The following PTH2R variants were observed in gnomAD, a reference collection of about 807,000 sequenced individuals.
PTH2R encodes parathyroid hormone 2 receptor, also known as PTH2 receptor.
Under a neutral mutation model 60.3 loss-of-function variants are expected in PTH2R, and 59 were observed. That is an observed-to-expected ratio of 0.98 (90% CI 0.79 to 1.22). The LOEUF (loss-of-function observed/expected upper bound fraction) is 1.22, where lower values mean the gene tolerates loss of function less well. PTH2R is among the 50% of genes most tolerant of loss of function. PTH2R has a pLI of 0.00. For missense variants in PTH2R, 749 were observed against 682.6 expected (o/e 1.10, Z -1.08); for synonymous variants, 256 against 243.8 (o/e 1.05, Z -0.47).
At position 208,444,995 on chromosome 2, in the gene PTH2R, C is replaced by G. The variant is rs114558125; in HGVS notation, c.853+108C>G. On this transcript the variant is annotated intron_variant, in intron 7 of 12. Coordinates refer to ENST00000272847, the MANE Select transcript of PTH2R (RefSeq NM_005048.4). ...CAGCCATTTTCCTGAAACAATCCCT[C>G]CCATTCTTATTTTTTATCTCCCTTT... 2,384 of 1,159,238 alleles carry G rather than the reference C, an allele frequency of 2.1e-3. 39 individuals carry two copies. In the African/African-American group the frequency reaches 0.03, roughly 15 times the overall value. 71.8% of individuals were successfully genotyped at this position (1,159,238 alleles called of 1,614,324 possible).
intron 1 of PTH2R, among the ~76,000 whole-genome samples, chr2:208,385,263 C>A (rs1009254160): frequency 6.6e-6 from 1 of 152,022 alleles, no homozygotes; most frequent in African/African-American, 2.4e-5. Flanking sequence ...GTAAAGGACA[C>A]GAACAAGTTA....
chr2:208,427,420 TATTATATTGATAGA>T (rs1279301041), intron 1 of PTH2R, among the ~76,000 whole-genome samples: 7 of 152,130 alleles, frequency 4.6e-5, no homozygotes, highest in Non-Finnish European at 8.8e-5. Flanking sequence ...ATCCATGTTG[TATTATATTGATAGA>T]TAAATTCTGG....
At chr2:208,402,893 T>G (rs1258089600), upstream of PTH2R, among the ~76,000 whole-genome samples, 3 of 152,194 alleles carry the variant, frequency 2.0e-5, no homozygotes, top group African/African-American at 7.2e-5. Context: ...CACGGTAGAA[T>G]AGTAGAAAAA....
chr2:208,436,850 A>T (rs1377753362), intron 2 of PTH2R, among the ~76,000 whole-genome samples: 1 of 152,172 alleles, frequency 6.6e-6, no homozygotes, highest in African/African-American at 2.4e-5. Flanking sequence ...AAAGGGACAG[A>T]GAGAATTGGG....
intron 1 of PTH2R, among the ~76,000 whole-genome samples, chr2:208,365,026 T>C (rs1459991330): frequency 6.6e-6 from 1 of 151,752 alleles, no homozygotes; most frequent in East Asian, 1.9e-4. Flanking sequence ...CTGGTAACTT[T>C]ACTGAATTTT....
chr2:208,380,216 T>G (rs1700886088), intron 1 of PTH2R, among the ~76,000 whole-genome samples: 1 of 152,124 alleles, frequency 6.6e-6, no homozygotes. Flanking sequence ...TTATATAATT[T>G]GTCATATTGA....
intron 7 of PTH2R, among the ~76,000 whole-genome samples, chr2:208,450,237 C>T (rs934054511): frequency 3.9e-5 from 6 of 152,190 alleles, no homozygotes; most frequent in African/African-American, 7.2e-5. Flanking sequence ...CTTGTGCCAA[C>T]GTGAACTAAA....
chr2:208,488,234 A>C (rs542174327), intron 10 of PTH2R, among the ~76,000 whole-genome samples: 7 of 152,224 alleles, frequency 4.6e-5, no homozygotes, highest in Non-Finnish European at 1.0e-4. Flanking sequence ...TTTGGCAGAG[A>C]ATATTCAGAG....
intron 1 of PTH2R, among the ~76,000 whole-genome samples, chr2:208,422,865 T>A (rs1258756105): frequency 6.6e-6 from 1 of 152,112 alleles, no homozygotes; most frequent in Admixed American, 6.6e-5. Context: ...CCCAGAAGGA[T>A]CCCTTCTGAT....
chr2:208,377,894 C>T (rs1443108768), intron 1 of PTH2R, among the ~76,000 whole-genome samples: 2 of 151,072 alleles, frequency 1.3e-5, no homozygotes, highest in Non-Finnish European at 2.9e-5. Flanking sequence ...CCAGACTGGG[C>T]AGCCAGGCAG....
intron 9 of PTH2R, among the ~76,000 whole-genome samples, chr2:208,473,487 C>A (rs1023917020): frequency 2.6e-5 from 4 of 152,144 alleles, no homozygotes; most frequent in African/African-American, 4.8e-5. Flanking sequence ...ATTCCTTTAA[C>A]AATGAAACCT....
At chr2:208,458,694 G>A (rs1319691083) in intron 8 of PTH2R, among the ~76,000 whole-genome samples, 5 of 152,108 alleles carry the variant, frequency 3.3e-5, no homozygotes, top group Admixed American at 3.3e-4. Flanking sequence ...GTGAGAACAC[G>A]TGGTATTTGG....
At chr2:208,460,385 TAA>T in intron 9 of PTH2R, among the ~76,000 whole-genome samples, 1 of 152,252 alleles carries the variant, frequency 6.6e-6, no homozygotes, top group South Asian at 2.1e-4. Context: ...ATATGATGTA[TAA>T]AGTATTCCCT....
intron 2 of PTH2R, among the ~76,000 whole-genome samples, chr2:208,430,149 T>G (rs1312942582): frequency 1.3e-5 from 2 of 152,184 alleles, no homozygotes; most frequent in Non-Finnish European, 2.9e-5. Flanking sequence ...ATATATTTAA[T>G]TTCAGAAAGT....
chr2:208,474,704 T>C (rs112605845), intron 9 of PTH2R, among the ~76,000 whole-genome samples: 17 of 152,356 alleles, frequency 1.1e-4, no homozygotes, highest in Non-Finnish European at 1.8e-4. Context: ...AAAATTGTGA[T>C]GAGACATCAA....
chr2:208,401,878 C>A (rs374670247), upstream of PTH2R, among the ~76,000 whole-genome samples: 1 of 152,200 alleles, frequency 6.6e-6, no homozygotes, highest in Non-Finnish European at 1.5e-5. Flanking sequence ...ACGCTAGCCA[C>A]AGTGTGTTGT....
chr2:208,443,387 AT>A lies in PTH2R; in HGVS notation c.552del (p.Phe184LeufsTer6), dbSNP rs758675003. 1.2e-6 allele frequency: 2 copies of A among 1,609,388 alleles called. No individual in the cohort carries two copies. The highest frequency in any genetic ancestry group is 4.5e-5 in the East Asian group (2 of 44,642). On this transcript the variant is annotated frameshift_variant, in exon 6 of 13. Coordinates refer to ENST00000272847, the MANE Select transcript of PTH2R (RefSeq NM_005048.4). LOFTEE classifies it high-confidence loss of function. ...CTRNYIHMHL[F>X]VSFMLRATSI... ...CTAGGAACTATATCCACATGCACTTATTTGTGTCTTTCATGCTGAGAGCTAC... is the reference window on the plus strand; with the variant it reads ...CTAGGAACTATATCCACATGCACTTATTGTGTCTTTCATGCTGAGAGCTAC...
intron 1 of PTH2R, among the ~76,000 whole-genome samples, chr2:208,424,601 C>T (rs1278223683): frequency 6.6e-6 from 1 of 152,088 alleles, no homozygotes; most frequent in African/African-American, 2.4e-5. Flanking sequence ...TTTAATTGTC[C>T]CTTGGTGCTG....
intron 1 of PTH2R, among the ~76,000 whole-genome samples, chr2:208,421,888 C>T (rs965872546): frequency 2.6e-5 from 4 of 152,184 alleles, no homozygotes; most frequent in Admixed American, 2.6e-4. Flanking sequence ...AGTTTTCTCT[C>T]AGACTACGGA....
Sources: gnomAD v4.1 joint callset for allele counts (sites outside exome capture counted in the v4.1 genomes callset) on GRCh38, gnomAD v4.1.1 for gene constraint, MANE v1.5 for transcripts, NCBI Gene and HGNC (gene_info 2026-07-23, HGNC 2026-07-21) for gene names.